The following MARCKS variants were observed in gnomAD, a reference collection of about 807,000 sequenced individuals.
MARCKS encodes myristoylated alanine-rich C-kinase substrate.
A neutral mutation model predicts 6.3 loss-of-function variants in MARCKS; 4 were observed. The ratio of observed to expected loss-of-function variants is 0.63; its 90% CI spans 0.31 to 1.45. The LOEUF (loss-of-function observed/expected upper bound fraction) is 1.45, where lower values mean the gene tolerates loss of function less well. Ranked by LOEUF, MARCKS falls within the 40% of genes most tolerant of loss-of-function variation. The probability of loss-of-function intolerance (pLI) is 0.07; values close to 1 mark genes in which losing one functional copy is unlikely to be tolerated. For synonymous variants in MARCKS, 289 were observed against 236.5 expected (o/e 1.22, Z -2.04); for missense variants, 636 against 485.7 (o/e 1.31, Z -2.91).
At position 113,862,747 on chromosome 6, in the gene MARCKS, C is replaced by G. The variant is rs138404099; in HGVS notation, c.*2168C>G. 6.6e-6 allele frequency: 1 copy of G among 152,246 alleles called. No homozygotes were observed. The highest frequency in any genetic ancestry group is 2.4e-5 in the African/African-American group (1 of 41,578). The allele number at this position is 152,246 out of a possible 1,614,324, so 9.4% of individuals were successfully genotyped here. On this transcript the variant is annotated 3_prime_UTR_variant, in exon 2 of 2. Coordinates refer to ENST00000612661, the MANE Select transcript of MARCKS (RefSeq NM_002356.7). ...AGAAAAATAACAAATTAGGTTTTGA[C>G]ACGCATTCTTAATTGGAATAATGGA... is the stretch of plus-strand genomic sequence containing the variant.
chr6:113,859,665 G>A lies in MARCKS; in HGVS notation c.103-18G>A. The A allele has an allele frequency of 1.4e-6, 2 of 1,464,370 alleles. No homozygotes were observed. Among genetic ancestry groups the A allele is most frequent in the Non-Finnish European group, 9.0e-7 (1 of 1,106,160 alleles). 90.7% of individuals were successfully genotyped at this position (1,464,370 alleles called of 1,614,324 possible). A position where few individuals can be genotyped will look rare whatever the true frequency, so the allele number is the denominator to read the frequency against. ...CCCCGGCCGCTTCAGTGACGCTCCCGCTTTCTCTGCCCCTTAGGAGAATGG... is the reference window on the plus strand; with the variant it reads ...CCCCGGCCGCTTCAGTGACGCTCCCACTTTCTCTGCCCCTTAGGAGAATGG... On this transcript the variant is annotated intron_variant, in intron 1 of 1. Coordinates refer to ENST00000612661, the MANE Select transcript of MARCKS (RefSeq NM_002356.7).
In MARCKS at chr6:113,860,259, G is replaced by C; in HGVS notation, c.679G>C (p.Glu227Gln). ...GGGCGAGGAGGCGGCAGCGGGCGAG[G>C]AGGGGGCGGCGGGTGGCGACCCGCA... ...APGEEAAAGE[E>Q]GAAGGDPQEA... Residue 227 changes from glutamate to glutamine, a missense_variant, in exon 2 of 2, where the codon GAG (glutamate) becomes CAG (glutamine). By Grantham distance (29) the Glu-to-Gln change is conservative. Coordinates refer to ENST00000612661, the MANE Select transcript of MARCKS (RefSeq NM_002356.7). 8.8e-7 allele frequency: 1 copy of C among 1,133,942 alleles called. No homozygotes were observed. Among genetic ancestry groups the C allele is most frequent in the Non-Finnish European group, 1.1e-6 (1 of 915,306 alleles). 70.2% of individuals were successfully genotyped at this position (1,133,942 alleles called of 1,614,324 possible).
At position 113,860,609 on chromosome 6, in the gene MARCKS, A is replaced by T. The variant is rs769625706; in HGVS notation, c.*30A>T. 2 of 1,492,760 alleles carry T rather than the reference A, an allele frequency of 1.3e-6. No individual in the cohort carries two copies. Among genetic ancestry groups the T allele is most frequent in the South Asian group, 2.6e-5 (2 of 76,926 alleles). 92.5% of individuals were successfully genotyped at this position (1,492,760 alleles called of 1,614,324 possible). ...GCAAGCTTTTGTGAGATAATCGAAG[A>T]ACTTTTCTCCCCCGTTTGTTTGTTG... On this transcript the variant is annotated 3_prime_UTR_variant, in exon 2 of 2. Transcript: ENST00000612661.
Position 113,859,900 on chromosome 6 carries a change from C to G in MARCKS, c.320C>G (p.Ala107Gly). The change falls in exon 2 of 2, where the codon GCC becomes GGC. Residue 107 changes from alanine to glycine, a missense_variant. By Grantham distance (60) the Ala-to-Gly change is moderately conservative. Transcript: ENST00000612661. The part of the protein sequence containing the change: ...EAGASPVEKE[A>G]PAEGEAAEPG... ...GGGGCCAGCCCGGTAGAGAAGGAGG[C>G]CCCCGCGGAAGGCGAGGCTGCCGAG... is the stretch of plus-strand genomic sequence containing the variant. 6.9e-7 allele frequency: 1 copy of G among 1,444,194 alleles called. No homozygotes were observed. The highest frequency in any genetic ancestry group is 9.1e-7 in the Non-Finnish European group (1 of 1,101,832). 89.5% of individuals were successfully genotyped at this position (1,444,194 alleles called of 1,614,324 possible).
rs887538507 is a variant in MARCKS, at chr6:113,860,404, G to GCGC, written c.832_834dup (p.Ala278dup). ...AAAAAGGCCGAGGAGGCCGGGGCCA[G>GCGC]CGCCGCCGCCTGCGAGGCCCCCTCC... On this transcript the variant is annotated inframe_insertion, in exon 2 of 2. Coordinates refer to ENST00000612661, the MANE Select transcript of MARCKS (RefSeq NM_002356.7). 1.7e-6 allele frequency: 2 copies of GCGC among 1,170,600 alleles called. No homozygotes were observed. The highest frequency in any genetic ancestry group is 4.7e-5 in the Admixed American group (1 of 21,412). The allele number at this position is 1,170,600 out of a possible 1,614,324, so 72.5% of individuals were successfully genotyped here.
chr6:113,859,557 G>C, intron 1 of MARCKS, 126 bp from the exon 2 acceptor site: 2 of 790,046 alleles, frequency 2.5e-6, no homozygotes, highest in Non-Finnish European at 3.5e-6. Flanking sequence ...CCACAACGGC[G>C]GGGGTGGGGT....
In MARCKS at chr6:113,862,733, A is replaced by G. The variant is rs1172984287; in HGVS notation, c.*2154A>G. The G allele has an allele frequency of 6.6e-6, 1 of 152,166 alleles. No individual in the cohort carries two copies. Among genetic ancestry groups the G allele is most frequent in the Non-Finnish European group, 1.5e-5 (1 of 67,986 alleles). The allele number at this position is 152,166 out of a possible 1,614,324, so 9.4% of individuals were successfully genotyped here. A position where few individuals can be genotyped will look rare whatever the true frequency, so the allele number is the denominator to read the frequency against. ...ATCTTAAACTCATTAGAAAAATAAC[A>G]AATTAGGTTTTGACACGCATTCTTA... On this transcript the variant is annotated 3_prime_UTR_variant, in exon 2 of 2. Coordinates refer to ENST00000612661, the MANE Select transcript of MARCKS (RefSeq NM_002356.7).
Position 113,857,528 on chromosome 6 carries a change from C to T in MARCKS, c.-218C>T, listed in dbSNP as rs1393553601. ...TTTTTCCCTCCCTCCTGTGCTGCTG[C>T]TTTTTGATCTCTTCGACTAAAATTT... On this transcript the variant is annotated 5_prime_UTR_variant, in exon 1 of 2. Transcript: ENST00000612661. 3.7e-6 allele frequency: 2 copies of T among 543,196 alleles called. No homozygotes were observed. Among genetic ancestry groups the T allele is most frequent in the Admixed American group, 3.4e-5 (1 of 29,202 alleles). 33.6% of individuals were successfully genotyped at this position (543,196 alleles called of 1,614,324 possible).
Position 113,859,731 on chromosome 6 carries a change from G to A in MARCKS, c.151G>A (p.Glu51Lys). 2.0e-6 allele frequency: 3 copies of A among 1,502,156 alleles called. No individual in the cohort carries two copies. Among genetic ancestry groups the A allele is most frequent in the Non-Finnish European group, 2.7e-6 (3 of 1,126,448 alleles). 93.1% of individuals were successfully genotyped at this position (1,502,156 alleles called of 1,614,324 possible). ...VNGDASPAAA[E>K]SGAKEELQAN... ...CGGCGACGCTTCGCCCGCGGCCGCC[G>A]AGTCGGGCGCCAAGGAGGAGCTGCA... Residue 51 changes from glutamate to lysine, a missense_variant, in exon 2 of 2, where the codon GAG becomes AAG. Physicochemically the swap from Glu to Lys is moderately conservative, Grantham distance 56. Transcript: ENST00000612661.
chr6:113,859,015 C>CGGGCAGGGCCCGGCT (rs1040936120), intron 1 of MARCKS, among the ~76,000 whole-genome samples: 1 of 152,056 alleles, frequency 6.6e-6, no homozygotes, highest in Non-Finnish European at 1.5e-5. Flanking sequence ...CCTCGGCCTG[C>CGGGCAGGGCCCGGCT]GGGCAGGGCC....
At chr6:113,858,332 G>C (rs1250952518) in intron 1 of MARCKS, among the ~76,000 whole-genome samples, 1 of 152,120 alleles carries the variant, frequency 6.6e-6, no homozygotes, top group South Asian at 2.1e-4. Flanking sequence ...GGAGGGAAAG[G>C]CTGTCTTATT....
intron 1 of MARCKS, 149 bp from the exon 2 acceptor site, chr6:113,859,534 C>T (rs1227291873): frequency 1.6e-6 from 1 of 619,476 alleles, no homozygotes; most frequent in South Asian, 3.8e-5. Flanking sequence ...GGCATCCACC[C>T]GCGCCTCCCT....
chr6:113,858,260 G>A (rs958603354), intron 1 of MARCKS, among the ~76,000 whole-genome samples: 7 of 147,466 alleles, frequency 4.7e-5, no homozygotes, highest in Non-Finnish European at 8.9e-5. Context: ...GTGTGATTGT[G>A]TGTGGCGGGG....
Position 113,860,066 on chromosome 6 carries a change from G to T in MARCKS, c.486G>T (p.Lys162Asn). 6.3e-7 allele frequency: 1 copy of T among 1,577,494 alleles called. No homozygotes were observed. The highest frequency in any genetic ancestry group is 8.6e-7 in the Non-Finnish European group (1 of 1,162,894). The change falls in exon 2 of 2, where the codon AAG (lysine) becomes AAT (asparagine). Residue 162 changes from lysine to asparagine, a missense_variant. By Grantham distance (94) the Lys-to-Asn change is moderately conservative. Coordinates refer to ENST00000612661, the MANE Select transcript of MARCKS (RefSeq NM_002356.7). ...AAAAGAAGCGCTTTTCCTTCAAGAA[G>T]TCTTTCAAGCTGAGCGGCTTCTCCT... ...KKKKKRFSFK[K>N]SFKLSGFSFK...
In MARCKS at chr6:113,860,353, C is replaced by T; in HGVS notation, c.773C>T (p.Ala258Val). ...KPPASDETKA[A>V]EEPSKVEEKK... ...CCCGCCAGCGACGAGACCAAGGCCG[C>T]CGAGGAGCCCAGCAAGGTGGAGGAG... The change falls in exon 2 of 2, where the codon GCC becomes GTC. Residue 258 changes from alanine (A) to valine (V), a missense_variant. Ala to Val is a moderately conservative substitution (Grantham distance 64). Transcript: ENST00000612661. 1.5e-6 allele frequency: 2 copies of T among 1,303,968 alleles called. No homozygotes were observed. The highest frequency in any genetic ancestry group is 5.5e-5 in the East Asian group (1 of 18,240). The allele number at this position is 1,303,968 out of a possible 1,614,324, so 80.8% of individuals were successfully genotyped here.
At chr6:113,858,926 T>G (rs1774830930) in intron 1 of MARCKS, among the ~76,000 whole-genome samples, 1 of 152,242 alleles carries the variant, frequency 6.6e-6, no homozygotes, top group South Asian at 2.1e-4. Context: ...CTTGTTGGTT[T>G]CAGCCCGACC....
In MARCKS at chr6:113,860,419, A is replaced by C. The variant is rs1774877439; in HGVS notation, c.839A>C (p.Glu280Ala). 8.7e-7 allele frequency: 1 copy of C among 1,150,428 alleles called. No homozygotes were observed. Among genetic ancestry groups the C allele is most frequent in the Admixed American group, 5.1e-5 (1 of 19,550 alleles). The allele number at this position is 1,150,428 out of a possible 1,614,324, so 71.3% of individuals were successfully genotyped here. ...EEAGASAAAC[E>A]APSAAGPGAP... Reference sequence around the variant, plus strand: ...GCCGGGGCCAGCGCCGCCGCCTGCGAGGCCCCCTCCGCCGCCGGGCCCGGC... The same window carrying C: ...GCCGGGGCCAGCGCCGCCGCCTGCGCGGCCCCCTCCGCCGCCGGGCCCGGC... The change falls in exon 2 of 2, where the codon GAG becomes GCG. Residue 280 changes from glutamate (E) to alanine (A), a missense_variant. Physicochemically the swap from Glu to Ala is moderately radical, Grantham distance 107. Coordinates refer to ENST00000612661, the MANE Select transcript of MARCKS (RefSeq NM_002356.7).
At position 113,859,986 on chromosome 6, in the gene MARCKS, C is replaced by T. The variant is rs776084029; in HGVS notation, c.406C>T (p.Pro136Ser). The change falls in exon 2 of 2, where the codon CCC becomes TCC. Residue 136 changes from proline (P) to serine (S), a missense_variant. Coordinates refer to ENST00000612661, the MANE Select transcript of MARCKS (RefSeq NM_002356.7). Reference sequence around the variant, plus strand: ...GTCGGCCGCCTCCTCGACTTCTTCGCCCAAGGCCGAGGACGGGGCCACGCC... The same window carrying T: ...GTCGGCCGCCTCCTCGACTTCTTCGTCCAAGGCCGAGGACGGGGCCACGCC... ...AASAASSTSS[P>S]KAEDGATPSP... The T allele has an allele frequency of 2.6e-6, 4 of 1,552,608 alleles. No individual in the cohort carries two copies. Among genetic ancestry groups the T allele is most frequent in the Non-Finnish European group, 3.5e-6 (4 of 1,156,388 alleles).
chr6:113,860,648 T>C lies in MARCKS; in HGVS notation c.*69T>C, dbSNP rs1774886643. On this transcript the variant is annotated 3_prime_UTR_variant, in exon 2 of 2. Coordinates refer to ENST00000612661, the MANE Select transcript of MARCKS (RefSeq NM_002356.7). ...GTTTGTTTGTTGGAGTGGTGCCAGG[T>C]ACTGGTTTTGGAGAACTTGTCTACA... 1.7e-6 allele frequency: 2 copies of C among 1,204,006 alleles called. No individual in the cohort carries two copies. The highest frequency in any genetic ancestry group is 2.2e-6 in the Non-Finnish European group (2 of 896,060). The allele number at this position is 1,204,006 out of a possible 1,614,324, so 74.6% of individuals were successfully genotyped here.
Sources: allele counts gnomAD v4.1 joint callset (sites outside exome capture counted in the v4.1 genomes callset), GRCh38; gene constraint gnomAD v4.1.1; transcripts MANE v1.5; gene names NCBI Gene and HGNC (gene_info 2026-07-23, HGNC 2026-07-21).